NEGR1: variants seen among roughly 807,000 people sequenced by gnomAD.
The protein encoded by NEGR1 is IgLON family member 4.
In NEGR1, 10 loss-of-function variants were observed where a neutral mutation model predicts 40.9. The ratio of observed to expected loss-of-function variants is 0.24; its 90% CI spans 0.15 to 0.42. The LOEUF (loss-of-function observed/expected upper bound fraction) is 0.42. NEGR1 is among the 10% of genes least tolerant of loss of function. The pLI, the probability that NEGR1 is intolerant of heterozygous loss-of-function variation, is 1.00. For synonymous variants in NEGR1, 185 were observed against 166.8 expected (o/e 1.11, Z -0.84); for missense variants, 352 against 438.9 (o/e 0.80, Z 1.77).
chr1:71,803,772 T>A (rs1657647538), intron 2 of NEGR1, among the ~76,000 whole-genome samples: 2 of 152,208 alleles, frequency 1.3e-5, no homozygotes, highest in Admixed American at 1.3e-4. Flanking sequence ...ACGTATTACA[T>A]AAATTACTTA....
intron 1 of NEGR1, among the ~76,000 whole-genome samples, chr1:72,247,219 T>C (rs1472156434): frequency 6.6e-6 from 1 of 152,256 alleles, no homozygotes; most frequent in Non-Finnish European, 1.5e-5. Flanking sequence ...CTTTTGGTTA[T>C]GTGAATATCT....
chr1:72,055,368 C>A (rs953969705), intron 1 of NEGR1, among the ~76,000 whole-genome samples: 1 of 151,124 alleles, frequency 6.6e-6, no homozygotes, highest in Non-Finnish European at 1.5e-5. Context: ...TTATATTGAA[C>A]AAAGAATCTT....
At chr1:71,996,884 T>A (rs1646509245) in intron 1 of NEGR1, among the ~76,000 whole-genome samples, 1 of 152,106 alleles carries the variant, frequency 6.6e-6, no homozygotes. Context: ...TCCCAATGTC[T>A]GTTTTCCCTG....
intron 6 of NEGR1, among the ~76,000 whole-genome samples, chr1:71,523,136 G>A (rs1046028139): frequency 1.1e-4 from 17 of 151,940 alleles, no homozygotes; most frequent in African/African-American, 4.1e-4. Context: ...GGGCCTCCCT[G>A]ATAATCTTCT....
intron 1 of NEGR1, among the ~76,000 whole-genome samples, chr1:72,142,523 G>C (rs1242455197): frequency 8.4e-6 from 1 of 119,512 alleles, no homozygotes; most frequent in African/African-American, 3.2e-5. Flanking sequence ...TACCTAGATA[G>C]ATGATAGATA....
chr1:72,016,502 A>T (rs2100412312), intron 1 of NEGR1, among the ~76,000 whole-genome samples: 1 of 152,350 alleles, frequency 6.6e-6, no homozygotes, highest in East Asian at 1.9e-4. Flanking sequence ...CCCAAGAGTC[A>T]TAAAGATGGG....
chr1:72,184,392 T>C (rs1373436147), intron 1 of NEGR1, among the ~76,000 whole-genome samples: 1 of 151,952 alleles, frequency 6.6e-6, no homozygotes, highest in Non-Finnish European at 1.5e-5. Flanking sequence ...AGAGAGAAAG[T>C]TGGCAGAATC....
chr1:71,773,804 C>G (rs1265861089), intron 3 of NEGR1, among the ~76,000 whole-genome samples: 1 of 152,108 alleles, frequency 6.6e-6, no homozygotes, highest in African/African-American at 2.4e-5. Context: ...CCCAATCTGT[C>G]TTCTTTCAGT....
At chr1:72,133,689 A>G (rs1403255345) in intron 1 of NEGR1, among the ~76,000 whole-genome samples, 1 of 151,776 alleles carries the variant, frequency 6.6e-6, no homozygotes, top group Non-Finnish European at 1.5e-5. Flanking sequence ...TAAAAACTGA[A>G]AATATTTTAG....
rs139932371 is a variant in NEGR1 at position 72,233,817 on chromosome 1, G to A, written c.176+48502C>T. Among the ~76,000 whole-genome samples, 50 of 152,112 alleles carry A rather than the reference G, an allele frequency of 3.3e-4. No individual in the cohort carries two copies. In the East Asian group the frequency reaches 9.3e-3, roughly 28 times the overall value. ...CCCTTTGGGTATATACCCAGTAATA[G>A]TATTGCTGGGCTAAATGGTATTTCT... On this transcript the variant is annotated intron_variant, in intron 1 of 6. Transcript: ENST00000357731.
intron 1 of NEGR1, among the ~76,000 whole-genome samples, chr1:72,219,132 T>C (rs1465791607): frequency 1.3e-5 from 2 of 152,058 alleles, no homozygotes; most frequent in Non-Finnish European, 2.9e-5. Flanking sequence ...ATGGCCTTGA[T>C]GGTGACATTT....
chr1:72,131,829 G>A (rs1650263926), intron 1 of NEGR1, among the ~76,000 whole-genome samples: 1 of 152,162 alleles, frequency 6.6e-6, no homozygotes, highest in South Asian at 2.1e-4. Context: ...GAGCGTGGTG[G>A]CTCACACCTG....
rs139062611 is a variant in NEGR1, at chr1:71,544,861, T to C, written c.940+47956A>G. Among the ~76,000 whole-genome samples, 206 of 151,788 alleles carry C rather than the reference T, an allele frequency of 1.4e-3. 2 individuals are homozygous for C. Among genetic ancestry groups the C allele is most frequent in the African/African-American group, 4.7e-3 (197 of 41,496 alleles). On this transcript the variant is annotated intron_variant, in intron 6 of 6. Coordinates refer to ENST00000357731, the MANE Select transcript of NEGR1 (RefSeq NM_173808.3). ...GAAACTTGGAAATCTACCCTGGTTC[T>C]GGTCCTGTGGATTGTTAATTCTGCA...
chr1:71,975,950 A>T (rs1419687819), intron 1 of NEGR1, among the ~76,000 whole-genome samples: 1 of 152,114 alleles, frequency 6.6e-6, no homozygotes, highest in Non-Finnish European at 1.5e-5. Flanking sequence ...CTTATTTCTG[A>T]TTTCTCCTGA....
intron 1 of NEGR1, among the ~76,000 whole-genome samples, chr1:72,002,216 A>G (rs1448832465): frequency 6.6e-6 from 1 of 152,102 alleles, no homozygotes; most frequent in Non-Finnish European, 1.5e-5. Flanking sequence ...ATAATGCAAT[A>G]AGGGGAGAAA....
chr1:71,653,587 T>C (rs1343619302), intron 4 of NEGR1, among the ~76,000 whole-genome samples: 2 of 152,194 alleles, frequency 1.3e-5, no homozygotes, highest in Non-Finnish European at 2.9e-5. Flanking sequence ...TCATTATTGT[T>C]CTAGTCTATC....
At chr1:71,951,383 A>G (rs1391672473) in intron 1 of NEGR1, among the ~76,000 whole-genome samples, 1 of 151,982 alleles carries the variant, frequency 6.6e-6, no homozygotes, top group Non-Finnish European at 1.5e-5. Context: ...CATAACTATT[A>G]CAACTAATTA....
chr1:71,671,519 T>A (rs1652430951), intron 4 of NEGR1, among the ~76,000 whole-genome samples: 1 of 152,056 alleles, frequency 6.6e-6, no homozygotes, highest in Admixed American at 6.6e-5. Context: ...AATAAAATTG[T>A]AAAGGGAAAA....
chr1:71,973,460 C>T (rs140237284), intron 1 of NEGR1, among the ~76,000 whole-genome samples: 17 of 152,186 alleles, frequency 1.1e-4, no homozygotes, highest in African/African-American at 1.9e-4. Flanking sequence ...TAAGCCACCA[C>T]GCTTTTGTCA....
Sources: gnomAD v4.1 joint callset for allele counts (sites outside exome capture counted in the v4.1 genomes callset) on GRCh38, gnomAD v4.1.1 for gene constraint, MANE v1.5 for transcripts, NCBI Gene and HGNC (gene_info 2026-07-23, HGNC 2026-07-21) for gene names.